Variants in MYO3A observed in about 807,000 individuals in gnomAD.
The protein encoded by MYO3A is myosin-IIIa.
MYO3A carries 180 observed loss-of-function variants against 192.7 expected under a neutral mutation model. That is an observed-to-expected ratio of 0.93 (90% confidence interval 0.83 to 1.06). MYO3A has a LOEUF of 1.06. Ranked by LOEUF, MYO3A falls within the 50% of genes least tolerant of loss-of-function variation. The pLI is 0.00. For synonymous variants in MYO3A, 628 were observed against 645.3 expected (o/e 0.97, Z 0.41); for missense variants, 1,896 against 1,905.0 (o/e 1.00, Z 0.09).
At chr10:26,061,306 A>G (rs1834464104) in intron 10 of MYO3A, among the ~76,000 whole-genome samples, 1 of 152,204 alleles carries the variant, frequency 6.6e-6, no homozygotes, top group African/African-American at 2.4e-5. Context: ...AACTTTCTCA[A>G]GGTATAGCAG....
At chr10:26,019,088 C>T (rs907292135) in intron 7 of MYO3A, among the ~76,000 whole-genome samples, 20 of 151,914 alleles carry the variant, frequency 1.3e-4, no homozygotes, top group African/African-American at 4.6e-4. Context: ...TCATCACAAA[C>T]GTTTTTGCTC....
rs555824664 is a variant in MYO3A, at chr10:26,189,860, C to T, written c.4439-3345C>T. On this transcript the variant is annotated intron_variant, in intron 31 of 34. Coordinates refer to ENST00000642920, the MANE Select transcript of MYO3A (RefSeq NM_017433.5). ...GCGAGATCACCTGAGGTCAAGAGTTCGAGACCAGGCTGGCTAACATGCTGA... is the reference window on the plus strand; with the variant it reads ...GCGAGATCACCTGAGGTCAAGAGTTTGAGACCAGGCTGGCTAACATGCTGA... 3.3e-4 allele frequency among the ~76,000 whole-genome samples: 50 copies of T among 152,128 alleles called. No individual in the cohort carries two copies. The South Asian group carries it at 9.1e-3, about 28-fold the overall frequency.
intron 7 of MYO3A, among the ~76,000 whole-genome samples, chr10:26,017,607 T>A (rs1588786953): frequency 1.3e-5 from 2 of 152,182 alleles, no homozygotes; most frequent in South Asian, 2.1e-4. Flanking sequence ...TCAAATCTTA[T>A]AATTAAATTT....
intron 23 of MYO3A, among the ~76,000 whole-genome samples, chr10:26,153,561 G>T (rs1161702586): frequency 1.3e-5 from 2 of 152,142 alleles, no homozygotes; most frequent in African/African-American, 4.8e-5. Flanking sequence ...GAAGCAAACT[G>T]CTCCCTCAAT....
intron 24 of MYO3A, among the ~76,000 whole-genome samples, chr10:26,154,316 G>T (rs1178291745): frequency 6.6e-6 from 1 of 151,958 alleles, no homozygotes. Context: ...TGATTAGCTG[G>T]GATTACAGGT....
At chr10:26,190,069 TAAAAA>T (rs1843053206) in intron 31 of MYO3A, among the ~76,000 whole-genome samples, 1 of 142,882 alleles carries the variant, frequency 7.0e-6, no homozygotes, top group South Asian at 2.1e-4. Context: ...TCTCAAAAAA[TAAAAA>T]TAAAAATAAA....
At chr10:25,980,314 GAACAACAA>G (rs2130791099) in intron 4 of MYO3A, among the ~76,000 whole-genome samples, 1 of 150,610 alleles carries the variant, frequency 6.6e-6, no homozygotes, top group South Asian at 2.1e-4. Flanking sequence ...ACAACAATAA[GAACAACAA>G]AAAACCCTCA....
intron 3 of MYO3A, among the ~76,000 whole-genome samples, chr10:25,953,661 CA>C (rs1409224658): frequency 2.0e-5 from 3 of 152,226 alleles, no homozygotes; most frequent in African/African-American, 7.2e-5. Flanking sequence ...TAATGGAGAA[CA>C]AATGGCTTAT....
chr10:26,075,867 T>C (rs1315725938), intron 14 of MYO3A, among the ~76,000 whole-genome samples: 1 of 151,090 alleles, frequency 6.6e-6, no homozygotes, highest in Non-Finnish European at 1.5e-5. Context: ...TATCTATATG[T>C]ATCTCACAGT....
chr10:25,982,914 G>T (rs1463610139), intron 4 of MYO3A, among the ~76,000 whole-genome samples: 1 of 151,986 alleles, frequency 6.6e-6, no homozygotes, highest in Non-Finnish European at 1.5e-5. Flanking sequence ...GATCATACCA[G>T]CACACGAGCA....
intron 26 of MYO3A, among the ~76,000 whole-genome samples, chr10:26,163,260 T>A (rs1175445492): frequency 2.0e-5 from 3 of 152,242 alleles, no homozygotes; most frequent in African/African-American, 7.2e-5. Context: ...ATTTATGGTA[T>A]CTGCCTAGAC....
intron 20 of MYO3A, among the ~76,000 whole-genome samples, chr10:26,143,064 C>G (rs1018388833): frequency 6.6e-6 from 1 of 152,124 alleles, no homozygotes; most frequent in Non-Finnish European, 1.5e-5. Context: ...GGCGCGGTGG[C>G]TCATGCCTGT....
At chr10:25,947,366 A>C (rs904584010) in intron 2 of MYO3A, among the ~76,000 whole-genome samples, 3 of 146,064 alleles carry the variant, frequency 2.1e-5, no homozygotes, top group African/African-American at 5.1e-5. Context: ...AATGCATAAG[A>C]TGGTATTATT....
Position 26,039,075 on chromosome 10 carries a change from T to C in MYO3A, c.953+12543T>C, listed in dbSNP as rs200743845. Among the ~76,000 whole-genome samples, 20 of 152,106 alleles carry C rather than the reference T, an allele frequency of 1.3e-4. No homozygotes were observed. In the East Asian group the frequency reaches 3.7e-3, roughly 28 times the overall value. ...TTTGTTTTGAGACGGAGTTTCGCTCTTGTTGCCCAGGCTGGAGTGCAATGG... is the reference window on the plus strand; with the variant it reads ...TTTGTTTTGAGACGGAGTTTCGCTCCTGTTGCCCAGGCTGGAGTGCAATGG... On this transcript the variant is annotated intron_variant, in intron 10 of 34. Transcript: ENST00000642920.
Position 26,147,616 on chromosome 10 carries a change from C to G in MYO3A, c.2635+57C>G. The G allele has an allele frequency of 5.0e-6, 8 of 1,610,552 alleles. No homozygotes were observed. The South Asian group carries it at 8.8e-5, about 18-fold the overall frequency. ...TGAAGCCCAATCAAATAGTTTCTAT[C>G]TCTGCGCTTTTCACTAATTTCATCC... On this transcript the variant is annotated intron_variant, in intron 23 of 34. Coordinates refer to ENST00000642920, the MANE Select transcript of MYO3A (RefSeq NM_017433.5).
In MYO3A at chr10:26,086,143, C is replaced by G. The variant is rs182307708; in HGVS notation, c.1360-2060C>G. 7.3e-4 allele frequency among the ~76,000 whole-genome samples: 111 copies of G among 152,218 alleles called. 1 individual carries two copies. Among genetic ancestry groups the G allele is most frequent in the Non-Finnish European group, 3.4e-4 (23 of 68,026 alleles). On this transcript the variant is annotated intron_variant, in intron 14 of 34. Coordinates refer to ENST00000642920, the MANE Select transcript of MYO3A (RefSeq NM_017433.5). ...GAAGTGTAATTGACTCACAGCTCCA[C>G]ATGGCTGGGAAGGCCTCAAAAAAAC...
At position 26,021,339 on chromosome 10, in the gene MYO3A, A is replaced by C. The variant is rs951903234; in HGVS notation, c.586-164A>C. Among the ~76,000 whole-genome samples, 35 of 152,188 alleles carry C rather than the reference A, an allele frequency of 2.3e-4. 1 individual carries two copies. The highest frequency in any genetic ancestry group is 8.4e-4 in the African/African-American group (35 of 41,452). ...TCCCAGAACAAAAATACTACTACCA[A>C]TAATAATTTGATCTTTTATTCTCCT... is the stretch of plus-strand genomic sequence containing the variant. On this transcript the variant is annotated intron_variant, in intron 7 of 34. Transcript: ENST00000642920.
intron 32 of MYO3A, among the ~76,000 whole-genome samples, chr10:26,195,629 C>G (rs1004115148): frequency 7.2e-5 from 11 of 152,224 alleles, no homozygotes; most frequent in African/African-American, 2.7e-4. Flanking sequence ...GCCCTTCCTT[C>G]CCAGTAACCT....
rs1439143185 is a variant in MYO3A at position 26,075,753 on chromosome 10, ATATATATG to A, written c.1359+5354_1359+5361del. Among the ~76,000 whole-genome samples, 97 of 146,578 alleles carry A rather than the reference ATATATATG, an allele frequency of 6.6e-4. 1 individual carries two copies. In the East Asian group the frequency reaches 0.016, roughly 24 times the overall value. ...TATATATGTCTCTCATATATATGAT[ATATATATG>A]TCTCTCTCATATATATATGATATAT... On this transcript the variant is annotated intron_variant, in intron 14 of 34. Coordinates refer to ENST00000642920, the MANE Select transcript of MYO3A (RefSeq NM_017433.5).
Sources: allele counts gnomAD v4.1 joint callset (sites outside exome capture counted in the v4.1 genomes callset), GRCh38; gene constraint gnomAD v4.1.1; transcripts MANE v1.5; gene names NCBI Gene and HGNC (gene_info 2026-07-23, HGNC 2026-07-21).